PPP1R42: variants seen among roughly 807,000 people sequenced by gnomAD.
PPP1R42 encodes protein phosphatase 1 regulatory subunit 42.
Under a neutral mutation model 31.0 loss-of-function variants are expected in PPP1R42, and 34 were observed. That is an observed-to-expected ratio of 1.10 (90% CI 0.83 to 1.46). PPP1R42 has a LOEUF of 1.46. Ranked by LOEUF, PPP1R42 falls within the 40% of genes most tolerant of loss-of-function variation. The pLI is 0.00. For missense variants in PPP1R42, 268 were observed against 303.0 expected (o/e 0.88, Z 0.86); for synonymous variants, 103 against 109.8 (o/e 0.94, Z 0.39).
intron 7 of PPP1R42, among the ~76,000 whole-genome samples, chr8:66,981,128 C>T (rs1034090458): frequency 3.3e-5 from 5 of 152,068 alleles, no homozygotes; most frequent in African/African-American, 1.2e-4. Flanking sequence ...AGGCATGAGC[C>T]ACCGTGCCCC....
At chr8:66,970,953 A>G (rs1449980615) in intron 7 of PPP1R42, 3 of 1,468,604 alleles carry the variant, frequency 2.0e-6, no homozygotes, top group South Asian at 1.2e-5. Context: ...AAAAAGATAA[A>G]GTCACATAAA....
intron 3 of PPP1R42, among the ~76,000 whole-genome samples, chr8:67,013,995 A>G (rs1356911812): frequency 1.3e-5 from 2 of 152,198 alleles, no homozygotes; most frequent in African/African-American, 4.8e-5. Context: ...CAATTGGATC[A>G]ATTATATGAC....
chr8:67,004,720 C>T (rs148201955), intron 5 of PPP1R42, among the ~76,000 whole-genome samples: 8 of 152,108 alleles, frequency 5.3e-5, no homozygotes, highest in East Asian at 1.9e-4. Flanking sequence ...TTTATTTCTT[C>T]GGAATTCTTT....
intron 7 of PPP1R42, among the ~76,000 whole-genome samples, chr8:66,976,599 A>G (rs1424350749): frequency 6.8e-6 from 1 of 147,824 alleles, no homozygotes; most frequent in Non-Finnish European, 1.5e-5. Context: ...ATTCTATGAG[A>G]TCAACTTTTT....
intron 5 of PPP1R42, among the ~76,000 whole-genome samples, chr8:67,006,618 C>G (rs768304488): frequency 2.0e-5 from 3 of 152,060 alleles, no homozygotes; most frequent in African/African-American, 4.8e-5. Flanking sequence ...CCTCTCCTGC[C>G]TTGGCCTCCC....
rs1363717151 is a variant in PPP1R42, at chr8:67,010,783, T to C, written c.484A>G (p.Thr162Ala). ...NISNNNIDDITDLELLENLNQ... is the reference protein window; with the variant it reads ...NISNNNIDDIADLELLENLNQ... Reference sequence around the variant, plus strand: ...AGATTCTCTAGTAGTTCTAAGTCTGTAATGTCATCAATATTATTATTGCTG... The same window carrying C: ...AGATTCTCTAGTAGTTCTAAGTCTGCAATGTCATCAATATTATTATTGCTG... Residue 162 changes from threonine to alanine, a missense_variant, in exon 5 of 8, where the codon ACA (threonine) becomes GCA (alanine). By Grantham distance (58) the Thr-to-Ala change is moderately conservative. Coordinates refer to ENST00000685739, the MANE Select transcript of PPP1R42 (RefSeq NM_001364910.1). 3.1e-6 allele frequency: 5 copies of C among 1,606,172 alleles called. No individual in the cohort carries two copies. In the Admixed American group the frequency reaches 5.1e-5, roughly 16 times the overall value.
rs1815095509 is a variant in PPP1R42 at position 66,988,511 on chromosome 8, C to G, written c.559G>C (p.Glu187Gln). Reference sequence around the variant, plus strand: ...TTCATCAACTTGTTCAGTAAAAACTCCAAATCCTATAATTAGAGAAGAAAA... The same window carrying G: ...TTCATCAACTTGTTCAGTAAAAACTGCAAATCCTATAATTAGAGAAGAAAA... ...DNQLLHVKDL[E>Q]FLLNKLMKLW... The change falls in exon 6 of 8, where the codon GAG (glutamate) becomes CAG (glutamine). Residue 187 changes from glutamate (E) to glutamine (Q), a missense_variant. Physicochemically the swap from Glu to Gln is conservative, Grantham distance 29. Coordinates refer to ENST00000685739, the MANE Select transcript of PPP1R42 (RefSeq NM_001364910.1). 1.2e-6 allele frequency: 2 copies of G among 1,600,528 alleles called. No homozygotes were observed. The highest frequency in any genetic ancestry group is 3.6e-5 in the Admixed American group (2 of 56,334).
chr8:66,979,297 A>G (rs1814762558), intron 7 of PPP1R42, among the ~76,000 whole-genome samples: 1 of 152,088 alleles, frequency 6.6e-6, no homozygotes, highest in East Asian at 1.9e-4. Context: ...ATCACCATTT[A>G]TTGAAGAGGA....
chr8:67,001,527 C>T (rs1206390708), intron 5 of PPP1R42, among the ~76,000 whole-genome samples: 3 of 150,832 alleles, frequency 2.0e-5, no homozygotes, highest in Non-Finnish European at 4.4e-5. Flanking sequence ...CTTTTCTTTT[C>T]CTATCCCCTA....
At chr8:66,967,015 C>T (rs532770952) in intron 7 of PPP1R42, among the ~76,000 whole-genome samples, 13 of 152,262 alleles carry the variant, frequency 8.5e-5, no homozygotes, top group African/African-American at 2.6e-4. Context: ...CTTGCTCTGT[C>T]GCTCAGTCTG....
chr8:66,976,478 G>C (rs1814676571), intron 7 of PPP1R42, among the ~76,000 whole-genome samples: 1 of 152,102 alleles, frequency 6.6e-6, no homozygotes, highest in Non-Finnish European at 1.5e-5. Flanking sequence ...GAACTCTAAA[G>C]TTTATTCCGC....
chr8:67,012,952 A>G lies in PPP1R42; in HGVS notation c.435+6T>C. 6.3e-7 allele frequency: 1 copy of G among 1,592,216 alleles called. No homozygotes were observed. Among genetic ancestry groups the G allele is most frequent in the African/African-American group, 1.4e-5 (1 of 73,682 alleles). On this transcript the variant is annotated splice_donor_region_variant and intron_variant, in intron 4 of 7. Coordinates refer to ENST00000685739, the MANE Select transcript of PPP1R42 (RefSeq NM_001364910.1). ...TCCTTGTCAAAATATTCAAATGTGA[A>G]CTTACTGCCAGAGAATGAAGAGTTC...
chr8:67,005,657 T>A (rs1444270051), intron 5 of PPP1R42, among the ~76,000 whole-genome samples: 4 of 152,162 alleles, frequency 2.6e-5, no homozygotes, highest in Admixed American at 6.5e-5. Context: ...CCTTTATGCC[T>A]ACATCCTGCT....
chr8:67,018,473 G>T (rs576432462), intron 1 of PPP1R42, among the ~76,000 whole-genome samples: 1 of 151,090 alleles, frequency 6.6e-6, no homozygotes, highest in South Asian at 2.1e-4. Flanking sequence ...CTGGCGTGTA[G>T]TGGCTATTCA....
intron 6 of PPP1R42, chr8:66,984,941 C>A: frequency 6.5e-7 from 1 of 1,533,354 alleles, no homozygotes; most frequent in Non-Finnish European, 9.0e-7. Flanking sequence ...GTGTCATTGT[C>A]AACTGGAGCA....
At chr8:67,025,346 A>AAGTTTG (rs1816361550) in intron 1 of PPP1R42, among the ~76,000 whole-genome samples, 1 of 152,008 alleles carries the variant, frequency 6.6e-6, no homozygotes, top group Non-Finnish European at 1.5e-5. Context: ...TCCTGGGCTC[A>AAGTTTG]AGTGATCCTC....
chr8:67,012,542 C>T (rs959114464), intron 4 of PPP1R42, among the ~76,000 whole-genome samples: 3 of 152,170 alleles, frequency 2.0e-5, no homozygotes. Flanking sequence ...GAGAAAACAA[C>T]TTATTATTCC....
At chr8:66,970,696 C>G (rs999083192) in intron 7 of PPP1R42, 3 of 403,010 alleles carry the variant, frequency 7.4e-6, no homozygotes, top group African/African-American at 2.1e-5. Flanking sequence ...GACATCTTTA[C>G]CTACTGCCTC....
intron 5 of PPP1R42, 65 bp from the exon 6 acceptor site, chr8:66,988,582 A>C: frequency 7.1e-7 from 1 of 1,416,758 alleles, no homozygotes; most frequent in Non-Finnish European, 9.6e-7. Context: ...CTAGCATGTC[A>C]GTTATTGTTT....
Sources: gnomAD v4.1 joint callset for allele counts (sites outside exome capture counted in the v4.1 genomes callset) on GRCh38, gnomAD v4.1.1 for gene constraint, MANE v1.5 for transcripts, NCBI Gene and HGNC (gene_info 2026-07-23, HGNC 2026-07-21) for gene names.